The following MKNK1 variants were observed in gnomAD, a reference collection of about 807,000 sequenced individuals.
The protein encoded by MKNK1 is MAP kinase-interacting serine/threonine-protein kinase 1.
Under a neutral mutation model 49.3 loss-of-function variants are expected in MKNK1, and 30 were observed. The observed-to-expected ratio is 0.61, with a 90% CI of 0.46 to 0.83. The LOEUF (loss-of-function observed/expected upper bound fraction) is 0.83, where lower values mean the gene tolerates loss of function less well. MKNK1 is among the 40% of genes least tolerant of loss of function. MKNK1 has a pLI of 0.00. For synonymous variants in MKNK1, 176 were observed against 201.7 expected (o/e 0.87, Z 1.08); for missense variants, 423 against 524.7 (o/e 0.81, Z 1.89).
rs146519352 is a variant in MKNK1, at chr1:46,558,609, C to T, written c.1205G>A (p.Arg402His). The part of the protein sequence containing the change: ...ARRRALAQAG[R>H]GEDRSPPTAL ...TGTGGGCGGGCTCCTGTCTTCACCACGGCCTGCCTGGGCCAGGGCCCGTCT... is the reference window on the plus strand; with the variant it reads ...TGTGGGCGGGCTCCTGTCTTCACCATGGCCTGCCTGGGCCAGGGCCCGTCT... The change falls in exon 13 of 13, where the codon CGT (arginine) becomes CAT (histidine). Residue 402 changes from arginine to histidine, a missense_variant. Arg to His is a conservative substitution (Grantham distance 29). Transcript: ENST00000371945. 285 of 1,613,254 alleles carry T rather than the reference C, an allele frequency of 1.8e-4. No homozygotes were observed. The highest frequency in any genetic ancestry group is 2.7e-4 in the East Asian group (12 of 44,896).
intron 4 of MKNK1, 138 bp downstream of exon 4, chr1:46,580,392 T>G: frequency 1.5e-6 from 1 of 672,920 alleles, no homozygotes; most frequent in Non-Finnish European, 2.6e-6. Flanking sequence ...ACACAGTAAG[T>G]AGAGAAACCA....
At chr1:46,588,884 G>A (rs898228019) in intron 2 of MKNK1, among the ~76,000 whole-genome samples, 3 of 152,082 alleles carry the variant, frequency 2.0e-5, no homozygotes, top group African/African-American at 4.8e-5. Flanking sequence ...CTGAACATTG[G>A]AGCCTGAGAG....
At chr1:46,575,055 G>T in intron 5 of MKNK1, 35 bp from the exon 6 acceptor site, 1 of 1,361,268 alleles carries the variant, frequency 7.3e-7, no homozygotes, top group Non-Finnish European at 1.0e-6. Flanking sequence ...AGGGAAAAGG[G>T]GGGAAATGGT....
intron 3 of MKNK1, among the ~76,000 whole-genome samples, chr1:46,582,435 C>T (rs566537726): frequency 1.3e-5 from 2 of 152,260 alleles, no homozygotes; most frequent in South Asian, 4.1e-4. Context: ...TATTCCCAAC[C>T]GATAAAGTGC....
At chr1:46,578,586 AT>A (rs71817045) in intron 4 of MKNK1, among the ~76,000 whole-genome samples, 4,241 of 138,242 alleles carry the variant, frequency 0.031, 48 homozygotes, top group Non-Finnish European at 0.044. Context: ...AGATATATCA[AT>A]TTTTTTTTTT....
intron 1 of MKNK1, among the ~76,000 whole-genome samples, chr1:46,601,499 C>T (rs1286590737): frequency 2.6e-5 from 4 of 152,218 alleles, no homozygotes; most frequent in Non-Finnish European, 5.9e-5. Flanking sequence ...ACTATTAATA[C>T]ACCCAGTGCA....
chr1:46,597,300 CAAAAAA>C (rs11312871), intron 1 of MKNK1, among the ~76,000 whole-genome samples: 1 of 130,702 alleles, frequency 7.7e-6, no homozygotes, highest in Non-Finnish European at 1.7e-5. Context: ...CGTTTTAGAG[CAAAAAA>C]AAAAAAAAAA....
At chr1:46,561,441 G>A (rs769333695) in intron 11 of MKNK1, 37 bp downstream of exon 11, 9 of 1,573,366 alleles carry the variant, frequency 5.7e-6, no homozygotes, top group Non-Finnish European at 6.9e-6. Flanking sequence ...CCACAGGCCT[G>A]AAGTGGTGGA....
intron 6 of MKNK1, among the ~76,000 whole-genome samples, chr1:46,572,772 T>C (rs1450341056): frequency 6.6e-6 from 1 of 152,160 alleles, no homozygotes; most frequent in African/African-American, 2.4e-5. Flanking sequence ...TGATTTGGCT[T>C]CTGCAATCAA....
chr1:46,561,434 C>T, intron 11 of MKNK1, 44 bp downstream of exon 11: 1 of 1,543,900 alleles, frequency 6.5e-7, no homozygotes, highest in Non-Finnish European at 8.7e-7. Context: ...GGCCATGCCA[C>T]AGGCCTGAAG....
intron 2 of MKNK1, chr1:46,585,460 GA>G (rs1034162095): frequency 2.8e-5 from 5 of 177,400 alleles, no homozygotes; most frequent in Admixed American, 2.8e-4. Flanking sequence ...AGCAGGCTGA[GA>G]AGGAGGAACC....
intron 1 of MKNK1, among the ~76,000 whole-genome samples, chr1:46,601,961 G>A (rs528443796): frequency 2.2e-4 from 33 of 152,290 alleles, no homozygotes; most frequent in African/African-American, 7.5e-4. Context: ...ATGGAAAGGG[G>A]AACAACTAAT....
intron 3 of MKNK1, among the ~76,000 whole-genome samples, chr1:46,581,626 G>C (rs1311414774): frequency 2.7e-5 from 4 of 150,082 alleles, no homozygotes; most frequent in African/African-American, 9.8e-5. Context: ...CACCTATTAT[G>C]TGCCAAGTTC....
intron 10 of MKNK1, 110 bp downstream of exon 10, chr1:46,562,539 G>A: frequency 8.0e-7 from 1 of 1,243,688 alleles, no homozygotes; most frequent in African/African-American, 1.6e-5. Context: ...AGGGCACTAT[G>A]AGCCCCCATC....
rs773183942 is a variant in MKNK1, at chr1:46,561,486, C to T, written c.961G>A (p.Val321Met). ...TCCCTGGAGTCACTCACCCCCTGCA[C>T]CCATGGGTGCTGCAGAACTTGGGCG... ...SAAQVLQHPW[V>M]QGQAPEKGLP... Residue 321 changes from valine to methionine, a missense_variant, in exon 11 of 13, where the codon GTG (valine) becomes ATG (methionine). By Grantham distance (21) the Val-to-Met change is conservative (BLOSUM62 1). Coordinates refer to ENST00000371945, the MANE Select transcript of MKNK1 (RefSeq NM_001135553.4). 2.1e-5 allele frequency: 34 copies of T among 1,612,568 alleles called. No homozygotes were observed. The highest frequency in any genetic ancestry group is 2.9e-5 in the Non-Finnish European group (34 of 1,179,056).
chr1:46,595,966 T>C (rs1011943720), intron 1 of MKNK1, among the ~76,000 whole-genome samples: 2 of 152,244 alleles, frequency 1.3e-5, no homozygotes, highest in African/African-American at 2.4e-5. Flanking sequence ...CAGGCTGGTA[T>C]TGAGCTCCTG....
At chr1:46,562,502 T>A in intron 10 of MKNK1, 147 bp downstream of exon 10, 3 of 917,028 alleles carry the variant, frequency 3.3e-6, no homozygotes, top group Non-Finnish European at 1.6e-6. Context: ...CTATTTTACC[T>A]TGTGGCCACC....
chr1:46,572,057 G>A lies in MKNK1; in HGVS notation c.457+6C>T, dbSNP rs200735150. On this transcript the variant is annotated splice_donor_region_variant and intron_variant, in intron 7 of 12. Transcript: ENST00000371945. ...ACCCACCCACCAAGGCAAAGGCTGG[G>A]TTCACCTTTGGTATGCAGGAAGTCA... 6.2e-7 allele frequency: 1 copy of A among 1,613,628 alleles called. No individual in the cohort carries two copies. The highest frequency in any genetic ancestry group is 2.2e-5 in the East Asian group (1 of 44,874).
Position 46,561,531 on chromosome 1 carries a change from C to T in MKNK1, c.916G>A (p.Ala306Thr). The T allele has an allele frequency of 6.2e-7, 1 of 1,614,162 alleles. No homozygotes were observed. Among genetic ancestry groups the T allele is most frequent in the South Asian group, 1.1e-5 (1 of 91,084 alleles). ...DLISKLLVRD[A>T]KQRLSAAQVL... ...TGGGCGGCGCTAAGTCTCTGCTTTG[C>T]ATCTCGCACCAGGAGCTTGGAGATG... Residue 306 changes from alanine to threonine, a missense_variant, in exon 11 of 13, where the codon GCA (alanine) becomes ACA (threonine). Ala to Thr is a moderately conservative substitution (Grantham distance 58). Transcript: ENST00000371945.
Sources: gnomAD v4.1 joint callset for allele counts (sites outside exome capture counted in the v4.1 genomes callset) on GRCh38, gnomAD v4.1.1 for gene constraint, MANE v1.5 for transcripts, NCBI Gene and HGNC (gene_info 2026-07-23, HGNC 2026-07-21) for gene names.